NFIB: variants seen among roughly 807,000 people sequenced by gnomAD.
NFIB encodes the protein nuclear factor 1 B-type.
In NFIB, 11 loss-of-function variants were observed where a neutral mutation model predicts 61.5. That is an observed-to-expected ratio of 0.18 (90% CI 0.11 to 0.30). NFIB has a LOEUF of 0.30. NFIB is among the 10% of genes least tolerant of loss of function. The pLI, the probability that NFIB is intolerant of heterozygous loss-of-function variation, is 1.00. For synonymous variants in NFIB, 260 were observed against 216.5 expected, an observed-to-expected ratio of 1.20 and a Z score of -1.76; for missense variants, 471 against 608.9, an observed-to-expected ratio of 0.77 and a Z score of 2.38.
At chr9:14,103,512 T>C (rs2036080441) in intron 10 of NFIB, among the ~76,000 whole-genome samples, 1 of 152,174 alleles carries the variant, frequency 6.6e-6, no homozygotes, top group Non-Finnish European at 1.5e-5. Context: ...CAAAGTACCA[T>C]AAATTATCAT....
At chr9:14,455,972 A>T in the NFIB span, among the ~76,000 whole-genome samples, 1 of 152,220 alleles carries the variant, frequency 6.6e-6, no homozygotes, top group East Asian at 1.9e-4. Flanking sequence ...GTCAAGAGGT[A>T]TCATTAATAG....
At chr9:14,225,456 CAAAA>C (rs1228589594) in intron 2 of NFIB, among the ~76,000 whole-genome samples, 151 of 57,992 alleles carry the variant, frequency 2.6e-3, no homozygotes, top group Non-Finnish European at 4.9e-3. Flanking sequence ...GACTCCGTCT[CAAAA>C]AAAAAAAAAA....
At chr9:14,424,759 G>T in the NFIB span, among the ~76,000 whole-genome samples, 15 of 152,168 alleles carry the variant, frequency 9.9e-5, no homozygotes, top group Non-Finnish European at 1.8e-4. Flanking sequence ...GGCGAAACAG[G>T]CTCTATGGAG....
chr9:14,196,465 G>A, intron 2 of NFIB, among the ~76,000 whole-genome samples: 1 of 151,996 alleles, frequency 6.6e-6, no homozygotes, highest in East Asian at 1.9e-4. Context: ...TTAAGGGAGG[G>A]AATGCTGCCA....
intron 2 of NFIB, among the ~76,000 whole-genome samples, chr9:14,237,996 A>T (rs1400664105): frequency 6.6e-6 from 1 of 151,990 alleles, no homozygotes; most frequent in African/African-American, 2.4e-5. Context: ...CCAAGAAACA[A>T]ATGAATATGA....
chr9:14,509,780 T>C, the NFIB span, among the ~76,000 whole-genome samples: 9 of 152,206 alleles, frequency 5.9e-5, no homozygotes, highest in East Asian at 5.8e-4. Context: ...ACCCAGCCCA[T>C]GGTGAAATGG....
the NFIB span, among the ~76,000 whole-genome samples, chr9:14,492,195 C>G: frequency 5.9e-5 from 9 of 152,030 alleles, no homozygotes; most frequent in East Asian, 1.4e-3. Flanking sequence ...AACCCCGTCT[C>G]TACTAAAAAT....
intron 1 of NFIB, among the ~76,000 whole-genome samples, chr9:14,372,694 T>C (rs1022981982): frequency 6.6e-6 from 1 of 152,146 alleles, no homozygotes; most frequent in African/African-American, 2.4e-5. Flanking sequence ...GAAACATCTG[T>C]TATAACATGT....
chr9:14,339,984 G>C (rs1007664925), intron 1 of NFIB, among the ~76,000 whole-genome samples: 1 of 152,184 alleles, frequency 6.6e-6, no homozygotes, highest in African/African-American at 2.4e-5. Flanking sequence ...CGTAAGGCTG[G>C]AGTATATAGA....
the NFIB span, among the ~76,000 whole-genome samples, chr9:14,472,751 G>C: frequency 6.6e-6 from 1 of 152,050 alleles, no homozygotes; most frequent in Non-Finnish European, 1.5e-5. Flanking sequence ...TGAGGCAGGA[G>C]AATGGCGTGA....
At chr9:14,333,952 T>A (rs150665257) in intron 1 of NFIB, among the ~76,000 whole-genome samples, 1 of 152,210 alleles carries the variant, frequency 6.6e-6, no homozygotes, top group African/African-American at 2.4e-5. Flanking sequence ...GAACTTTACA[T>A]AAGAAAAAGC....
intron 2 of NFIB, among the ~76,000 whole-genome samples, chr9:14,296,179 T>C (rs1383201942): frequency 6.6e-6 from 1 of 152,252 alleles, no homozygotes; most frequent in Non-Finnish European, 1.5e-5. Flanking sequence ...CTGGATAGTC[T>C]CCCTGGCAGT....
chr9:14,284,763 C>G (rs1366205870), intron 2 of NFIB, among the ~76,000 whole-genome samples: 3 of 152,146 alleles, frequency 2.0e-5, no homozygotes, highest in African/African-American at 4.8e-5. Flanking sequence ...TCTAAGACTT[C>G]TAAGGAAAAC....
At chr9:14,194,573 TAAG>T in intron 2 of NFIB, among the ~76,000 whole-genome samples, 1 of 152,180 alleles carries the variant, frequency 6.6e-6, no homozygotes, top group East Asian at 1.9e-4. Flanking sequence ...AAAAAGACAA[TAAG>T]AAGAAATAAA....
the NFIB span, among the ~76,000 whole-genome samples, chr9:14,507,654 A>T: frequency 2.0e-5 from 3 of 152,248 alleles, 1 homozygote; most frequent in African/African-American, 7.2e-5. Flanking sequence ...TAATGCAGAT[A>T]TATCTTAATC....
chr9:14,178,064 T>C (rs1007206482), intron 3 of NFIB, among the ~76,000 whole-genome samples: 2 of 152,182 alleles, frequency 1.3e-5, no homozygotes, highest in East Asian at 3.8e-4. Flanking sequence ...GCAGAAAACA[T>C]ATCCGTTGTT....
At chr9:14,330,414 C>G (rs1160319597) in intron 1 of NFIB, among the ~76,000 whole-genome samples, 1 of 152,000 alleles carries the variant, frequency 6.6e-6, no homozygotes. Context: ...CATGGTGCAA[C>G]CAAGCATTTT....
chr9:14,307,561 A>C lies in NFIB; in HGVS notation c.31-41T>G, dbSNP rs536022047. ...GGGTGAGGAAAAGATGTGCATAGTC[A>C]GTTTAATTTTAAAAGCTCAAAAAAT... is the stretch of plus-strand genomic sequence containing the variant. On this transcript the variant is annotated intron_variant, in intron 1 of 10. Coordinates refer to ENST00000380953, the MANE Select transcript of NFIB (RefSeq NM_001190737.2). This position sits in a 1 kb window ranked among gnomAD's most constrained non-coding sequence, Gnocchi z 5.3. The C allele has an allele frequency of 2.3e-5, 35 of 1,498,112 alleles. No individual in the cohort carries two copies. The South Asian group carries it at 4.6e-4, about 20-fold the overall frequency. 92.8% of individuals were successfully genotyped at this position (1,498,112 alleles called of 1,614,324 possible).
At chr9:14,385,785 T>C (rs2061542369) in intron 1 of NFIB, among the ~76,000 whole-genome samples, 1 of 138,908 alleles carries the variant, frequency 7.2e-6, no homozygotes, top group Admixed American at 7.1e-5. Flanking sequence ...CAGTGGAATC[T>C]TTTTTTTTTT....
Sources: allele counts gnomAD v4.1 joint callset (sites outside exome capture counted in the v4.1 genomes callset), GRCh38; gene constraint gnomAD v4.1.1; non-coding constraint Gnocchi (gnomAD v3.1); transcripts MANE v1.5; gene names NCBI Gene and HGNC (gene_info 2026-07-23, HGNC 2026-07-21).